AAK1: variants seen among roughly 807,000 people sequenced by gnomAD.
AAK1 encodes AP2-associated protein kinase 1.
Under a neutral mutation model 116.0 loss-of-function variants are expected in AAK1, and 37 were observed. The observed-to-expected ratio is 0.32, with a 90% CI of 0.25 to 0.42. The LOEUF (loss-of-function observed/expected upper bound fraction) is 0.42. Among genes scored for constraint, AAK1 ranks in the 10% least tolerant of loss-of-function variants. The probability of loss-of-function intolerance (pLI) is 1.00; values close to 1 mark genes in which losing one functional copy is unlikely to be tolerated. For missense variants in AAK1, 919 were observed against 1,170.6 expected, an observed-to-expected ratio of 0.79 and a Z score of 3.14; for synonymous variants, 458 against 439.9, an observed-to-expected ratio of 1.04 and a Z score of -0.51.
At chr2:69,594,900 C>T (rs977005991) in intron 2 of AAK1, 40 of 1,484,824 alleles carry the variant, frequency 2.7e-5, no homozygotes, top group East Asian at 9.1e-5. Flanking sequence ...TCCAGAAAAT[C>T]GGCTTAGTTT....
chr2:69,470,902 A>C lies in AAK1; in HGVS notation c.*4967T>G. On this transcript the variant is annotated 3_prime_UTR_variant, in exon 22 of 22. Coordinates refer to ENST00000409085, the MANE Select transcript of AAK1 (RefSeq NM_014911.5). Reference sequence around the variant, plus strand: ...GAGCAACTTATTTTAAGTTATTTACATCTCTAAACATCATGCTCCCATTTG... The same window carrying C: ...GAGCAACTTATTTTAAGTTATTTACCTCTCTAAACATCATGCTCCCATTTG... The C allele has an allele frequency of 1.0e-6, 1 of 985,874 alleles. No homozygotes were observed. The highest frequency in any genetic ancestry group is 1.2e-6 in the Non-Finnish European group (1 of 829,914). The allele number at this position is 985,874 out of a possible 1,614,324, so 61.1% of individuals were successfully genotyped here.
chr2:69,498,558 C>T (rs545058091), intron 16 of AAK1, among the ~76,000 whole-genome samples: 1 of 151,694 alleles, frequency 6.6e-6, no homozygotes, highest in Non-Finnish European at 1.5e-5. Flanking sequence ...CCCTTGCCCT[C>T]GCCTACTCAG....
At chr2:69,490,773 T>C (rs1675490856) in intron 17 of AAK1, among the ~76,000 whole-genome samples, 1 of 152,140 alleles carries the variant, frequency 6.6e-6, no homozygotes, top group Admixed American at 6.5e-5. Flanking sequence ...ATATACTTAA[T>C]GCCACTGAAC....
In AAK1 at chr2:69,461,881, C is replaced by T. The variant is rs191933045; in HGVS notation, c.*13988G>A. 1.7e-4 allele frequency: 32 copies of T among 183,868 alleles called. 1 individual carries two copies. The highest frequency in any genetic ancestry group is 1.1e-3 in the Admixed American group (18 of 16,186). 11.4% of individuals were successfully genotyped at this position (183,868 alleles called of 1,614,324 possible). On this transcript the variant is annotated 3_prime_UTR_variant, in exon 22 of 22. Coordinates refer to ENST00000409085, the MANE Select transcript of AAK1 (RefSeq NM_014911.5). ...TGCTGGGATTACAAGCGTGAGCCACCGCGCCTGGCCTCCAGTGAAAAATTT... is the reference window on the plus strand; with the variant it reads ...TGCTGGGATTACAAGCGTGAGCCACTGCGCCTGGCCTCCAGTGAAAAATTT...
At chr2:69,568,557 A>G (rs1350652784) in intron 2 of AAK1, among the ~76,000 whole-genome samples, 1 of 151,554 alleles carries the variant, frequency 6.6e-6, no homozygotes, top group Non-Finnish European at 1.5e-5. Flanking sequence ...CAGCTTCCCA[A>G]GTGGCTGAGA....
chr2:69,491,227 G>A (rs1044900472), intron 17 of AAK1, among the ~76,000 whole-genome samples: 8 of 152,050 alleles, frequency 5.3e-5, no homozygotes, highest in South Asian at 4.1e-4. Flanking sequence ...TTATAGGCAT[G>A]AGCCTGGCCC....
chr2:69,639,600 C>A (rs188974464), intron 2 of AAK1, among the ~76,000 whole-genome samples: 2 of 152,152 alleles, frequency 1.3e-5, no homozygotes, highest in Admixed American at 6.5e-5. Flanking sequence ...TTTTGTCTTA[C>A]CCAGCACCTG....
intron 2 of AAK1, among the ~76,000 whole-genome samples, chr2:69,562,763 G>A (rs1394826108): frequency 2.6e-5 from 4 of 152,290 alleles, no homozygotes; most frequent in East Asian, 1.9e-4. Flanking sequence ...GGTGGTGTGC[G>A]CCTGTAGTCC....
At chr2:69,600,878 C>T (rs1246928081) in intron 2 of AAK1, among the ~76,000 whole-genome samples, 1 of 152,138 alleles carries the variant, frequency 6.6e-6, no homozygotes, top group Non-Finnish European at 1.5e-5. Context: ...GTCACAGTCA[C>T]CCCAACTTTC....
rs1477556103 is a variant in AAK1, at chr2:69,466,307, A to G, written c.*9562T>C. The G allele has an allele frequency of 1.6e-6, 2 of 1,289,698 alleles. No homozygotes were observed. The highest frequency in any genetic ancestry group is 2.0e-6 in the Non-Finnish European group (2 of 988,850). The allele number at this position is 1,289,698 out of a possible 1,614,324, so 79.9% of individuals were successfully genotyped here. A position where few individuals can be genotyped will look rare whatever the true frequency, so the allele number is the denominator to read the frequency against. On this transcript the variant is annotated 3_prime_UTR_variant, in exon 22 of 22. Transcript: ENST00000409085. Reference sequence around the variant, plus strand: ...CTTCTTCTTCAGACTCCATAAGGAGAGGCCGAGACCCACTGCAGTCCAGCA... The same window carrying G: ...CTTCTTCTTCAGACTCCATAAGGAGGGGCCGAGACCCACTGCAGTCCAGCA...
At chr2:69,573,466 C>G (rs1187398134) in intron 2 of AAK1, among the ~76,000 whole-genome samples, 1 of 152,072 alleles carries the variant, frequency 6.6e-6, no homozygotes, top group Non-Finnish European at 1.5e-5. Context: ...AGTGGTAAGG[C>G]TACATGTCAA....
chr2:69,568,098 AC>A (rs1267696912), intron 2 of AAK1, among the ~76,000 whole-genome samples: 1 of 152,146 alleles, frequency 6.6e-6, no homozygotes, highest in Admixed American at 6.5e-5. Context: ...GTCAGTCCCC[AC>A]CCATGCTACA....
chr2:69,621,320 AC>A, intron 2 of AAK1, among the ~76,000 whole-genome samples: 1 of 152,322 alleles, frequency 6.6e-6, no homozygotes, highest in East Asian at 1.9e-4. Context: ...TAACAAAAAT[AC>A]AAAAAAGATT....
rs139868398 is a variant in AAK1, at chr2:69,557,863, G to A, written c.164-885C>T. Among the ~76,000 whole-genome samples the A allele has an allele frequency of 4.6e-5, 7 of 152,090 alleles. No homozygotes were observed. The East Asian group carries it at 1.4e-3, about 29-fold the overall frequency. ...TTCTTCTCATCCTATCACTCAATTC[G>A]AATCTAGAAACAGACCTAAAGATTC... On this transcript the variant is annotated intron_variant, in intron 2 of 21. Transcript: ENST00000409085.
At chr2:69,524,905 G>C in intron 10 of AAK1, 128 bp downstream of exon 10, 1 of 841,162 alleles carries the variant, frequency 1.2e-6, no homozygotes, top group Non-Finnish European at 1.9e-6. Context: ...AGGCAAGACA[G>C]AGCTTGCTTT....
In AAK1 at chr2:69,527,237, C is replaced by T; in HGVS notation, c.954G>A (p.Glu318=). The T allele has an allele frequency of 6.2e-7, 1 of 1,607,066 alleles. No individual in the cohort carries two copies. Among genetic ancestry groups the T allele is most frequent in the East Asian group, 2.2e-5 (1 of 44,802 alleles). Residue 318 remains glutamate (E), a synonymous_variant, in exon 9 of 22, where the codon GAG becomes GAA. Coordinates refer to ENST00000409085, the MANE Select transcript of AAK1 (RefSeq NM_014911.5). The stretch of plus-strand genomic sequence containing the variant: ...GTACCTGTACATTTGGAATTGGGCA[C>T]TCTTTCTTGAGTAGCTTAAATGAGA... ...SYFSFKLLKK[E]CPIPNVQNSP...
intron 16 of AAK1, chr2:69,499,826 T>C (rs925515536): frequency 1.3e-5 from 2 of 152,246 alleles, no homozygotes; most frequent in African/African-American, 4.8e-5. Flanking sequence ...AAATTCTAGA[T>C]ACAAATACTG....
At chr2:69,567,956 A>G (rs920020304) in intron 2 of AAK1, among the ~76,000 whole-genome samples, 1 of 152,222 alleles carries the variant, frequency 6.6e-6, no homozygotes, top group Non-Finnish European at 1.5e-5. Flanking sequence ...CCTTGCCTAA[A>G]GGAATGGAGA....
At chr2:69,484,404 GC>G (rs1675208775) in intron 17 of AAK1, among the ~76,000 whole-genome samples, 1 of 152,124 alleles carries the variant, frequency 6.6e-6, no homozygotes, top group Admixed American at 6.5e-5. Context: ...TATATGTAAA[GC>G]CAATTCACCA....
Sources: allele counts gnomAD v4.1 joint callset (sites outside exome capture counted in the v4.1 genomes callset), GRCh38; gene constraint gnomAD v4.1.1; transcripts MANE v1.5; gene names NCBI Gene and HGNC (gene_info 2026-07-23, HGNC 2026-07-21).